The following L3HYPDH variants were observed in gnomAD, a reference collection of about 807,000 sequenced individuals.
The protein encoded by L3HYPDH is trans-3-hydroxy-L-proline dehydratase.
Under a neutral mutation model 26.5 loss-of-function variants are expected in L3HYPDH, and 32 were observed. The observed-to-expected ratio is 1.21, with a 90% CI of 0.91 to 1.62. L3HYPDH has a LOEUF of 1.62. Among genes scored for constraint, L3HYPDH ranks in the 40% most tolerant of loss-of-function variants. The probability of loss-of-function intolerance (pLI) is 0.00; values close to 1 mark genes in which losing one functional copy is unlikely to be tolerated. For missense variants in L3HYPDH, 554 were observed against 476.4 expected (o/e 1.16, Z -1.52); for synonymous variants, 215 against 196.6 (o/e 1.09, Z -0.78).
intron 1 of L3HYPDH, among the ~76,000 whole-genome samples, chr14:59,483,201 T>A (rs554273620): frequency 6.6e-6 from 1 of 152,208 alleles, no homozygotes; most frequent in African/African-American, 2.4e-5. Flanking sequence ...CACAGAGAGA[T>A]TAAGTAATTT....
In L3HYPDH at chr14:59,476,410, A is replaced by G. The variant is rs565149903; in HGVS notation, c.679-196T>C. ...AAACATAGTTTTACTGCAATTTATA[A>G]TTCTTATCATACTTTGAGTCCCTTC... On this transcript the variant is annotated intron_variant, in intron 2 of 4. Transcript: ENST00000247194. Among the ~76,000 whole-genome samples, 6 of 152,316 alleles carry G rather than the reference A, an allele frequency of 3.9e-5. No homozygotes were observed. In the East Asian group the frequency reaches 1.2e-3, roughly 29 times the overall value.
intron 2 of L3HYPDH, 185 bp downstream of exon 2, chr14:59,478,997 T>G (rs774951179): frequency 2.1e-6 from 1 of 471,338 alleles, no homozygotes. Flanking sequence ...CATCCTGGGC[T>G]GCATGTGGCT....
downstream of L3HYPDH, among the ~76,000 whole-genome samples, chr14:59,470,962 G>GT (rs1889295606): frequency 7.6e-6 from 1 of 132,250 alleles, no homozygotes; most frequent in Non-Finnish European, 1.6e-5. Flanking sequence ...GGGCGGGGGG[G>GT]GGGGGAGGGC....
At chr14:59,470,113 C>T (rs1432738202), downstream of L3HYPDH, among the ~76,000 whole-genome samples, 1 of 152,116 alleles carries the variant, frequency 6.6e-6, no homozygotes, top group Non-Finnish European at 1.5e-5. Flanking sequence ...TTATGAGGAA[C>T]GTACTTGTGA....
chr14:59,494,985 T>G, the L3HYPDH span: 1 of 1,506,748 alleles, frequency 6.6e-7, no homozygotes, highest in Non-Finnish European at 9.2e-7. Context: ...TATTGCAATT[T>G]TTCTAGTAAT....
the L3HYPDH span, chr14:59,501,320 C>G: frequency 6.1e-6 from 7 of 1,144,762 alleles, no homozygotes; most frequent in Non-Finnish European, 9.1e-6. Context: ...TTTGACAATT[C>G]AATATCAGAA....
the L3HYPDH span, chr14:59,495,286 A>AT: frequency 7.6e-7 from 1 of 1,316,342 alleles, no homozygotes; most frequent in South Asian, 1.2e-5. Context: ...ATTATTATAG[A>AT]TTTTATGGCG....
At chr14:59,484,560 T>C (rs10140007), upstream of L3HYPDH, 560,554 of 1,567,050 alleles carry the variant, frequency 0.36, 104,051 homozygotes, top group African/African-American at 0.53. Flanking sequence ...GCTGATCTAG[T>C]GCTTCTCGAA....
At position 59,478,119 on chromosome 14, in the gene L3HYPDH, C is replaced by A. The variant is rs189216456; in HGVS notation, c.678+1063G>T. 1.0e-3 allele frequency among the ~76,000 whole-genome samples: 152 copies of A among 152,214 alleles called. 1 individual carries two copies. Among genetic ancestry groups the A allele is most frequent in the African/African-American group, 3.6e-3 (150 of 41,530 alleles). ...TGTTCTCTATGAAATAAGAAAAAGGCTTAAATCTATTCTGTACACTATATT... is the reference window on the plus strand; with the variant it reads ...TGTTCTCTATGAAATAAGAAAAAGGATTAAATCTATTCTGTACACTATATT... On this transcript the variant is annotated intron_variant, in intron 2 of 4. Transcript: ENST00000247194.
intron 1 of L3HYPDH, among the ~76,000 whole-genome samples, chr14:59,465,990 T>G (rs952961280): frequency 1.3e-5 from 2 of 152,216 alleles, no homozygotes; most frequent in South Asian, 2.1e-4. Flanking sequence ...AGCACTGATG[T>G]CAAGAGTTTC....
In L3HYPDH at chr14:59,484,309, C is replaced by T. The variant is rs377747331; in HGVS notation, c.8G>A (p.Ser3Asn). 12 of 1,587,758 alleles carry T rather than the reference C, an allele frequency of 7.6e-6. No individual in the cohort carries two copies. Among genetic ancestry groups the T allele is most frequent in the African/African-American group, 2.7e-5 (2 of 74,758 alleles). ME[S>N]ALAVPRLPPH... ...GGGCAGCCGGGGCACCGCCAGCGCGCTCTCCATGGTCTGCGTCGGGGGAGA... is the reference window on the plus strand; with the variant it reads ...GGGCAGCCGGGGCACCGCCAGCGCGTTCTCCATGGTCTGCGTCGGGGGAGA... Residue 3 changes from serine to asparagine, a missense_variant, in exon 1 of 5, where the codon AGC becomes AAC. Physicochemically the swap from Ser to Asn is conservative, Grantham distance 46. Coordinates refer to ENST00000247194, the MANE Select transcript of L3HYPDH (RefSeq NM_144581.2).
the L3HYPDH span, chr14:59,498,622 T>C: frequency 6.1e-6 from 4 of 655,008 alleles, no homozygotes; most frequent in Non-Finnish European, 1.0e-5. Flanking sequence ...ATAGAGTAAA[T>C]ATGCTTTTTA....
At chr14:59,474,654 G>A in intron 4 of L3HYPDH, 1 of 569,222 alleles carries the variant, frequency 1.8e-6, no homozygotes, top group South Asian at 2.3e-5. Flanking sequence ...ACTAACCTCT[G>A]GTAAATTACC....
upstream of L3HYPDH, chr14:59,484,417 A>T: frequency 3.6e-6 from 5 of 1,390,340 alleles, no homozygotes; most frequent in Non-Finnish European, 3.9e-6. Flanking sequence ...CTAACCAGCC[A>T]CGTCCGGGGG....
chr14:59,503,796 A>G, the L3HYPDH span: 5 of 1,006,314 alleles, frequency 5.0e-6, no homozygotes, highest in Non-Finnish European at 7.6e-6. Flanking sequence ...TAAATTACCC[A>G]GCTGACTTAG....
At chr14:59,492,473 G>A in the L3HYPDH span, among the ~76,000 whole-genome samples, 1 of 152,128 alleles carries the variant, frequency 6.6e-6, no homozygotes. Flanking sequence ...ATGAACTTCT[G>A]GGGTCCTGCA....
intron 1 of L3HYPDH, chr14:59,483,382 G>A: frequency 2.6e-6 from 1 of 379,348 alleles, no homozygotes; most frequent in South Asian, 8.7e-5. Context: ...AGGAGACCAG[G>A]TTTAGTAACT....
upstream of L3HYPDH, chr14:59,484,670 G>T: frequency 6.6e-7 from 1 of 1,510,092 alleles, no homozygotes; most frequent in East Asian, 2.4e-5. Flanking sequence ...CTCGGGCTCG[G>T]CTCTTTGTAG....
chr14:59,474,972 A>G (rs914507705), intron 4 of L3HYPDH: 2 of 153,260 alleles, frequency 1.3e-5, no homozygotes, highest in Admixed American at 1.3e-4. Context: ...TCTTAAAAAC[A>G]GCTATATTAG....
Sources: allele counts gnomAD v4.1 joint callset (sites outside exome capture counted in the v4.1 genomes callset), GRCh38; gene constraint gnomAD v4.1.1; transcripts MANE v1.5; gene names NCBI Gene and HGNC (gene_info 2026-07-23, HGNC 2026-07-21).